RPRD2: variants seen among roughly 807,000 people sequenced by gnomAD.
The protein encoded by RPRD2 is regulation of nuclear pre-mRNA domain-containing protein 2.
In RPRD2, 12 loss-of-function variants were observed where a neutral mutation model predicts 104.4. The observed-to-expected ratio is 0.11, with a 90% CI of 0.07 to 0.19. RPRD2 has a LOEUF of 0.19. Among genes scored for constraint, RPRD2 ranks in the 10% least tolerant of loss-of-function variants. The pLI, the probability that RPRD2 is intolerant of heterozygous loss-of-function variation, is 1.00. For synonymous variants in RPRD2, 714 were observed against 684.9 expected (o/e 1.04, Z -0.66); for missense variants, 1,543 against 1,790.1 (o/e 0.86, Z 2.49).
In RPRD2 at chr1:150,473,490, C is replaced by G. The variant is rs187900262; in HGVS notation, c.*156C>G. The G allele has an allele frequency of 7.2e-5, 38 of 528,976 alleles. No homozygotes were observed. The African/African-American group carries it at 7.8e-4, about 11-fold the overall frequency. The allele number at this position is 528,976 out of a possible 1,614,324, so 32.8% of individuals were successfully genotyped here. Reference sequence around the variant, plus strand: ...CAAAGTAAGAAATCACATACGCTTACGTTTTACTATTCAATTCAATCCTCC... The same window carrying G: ...CAAAGTAAGAAATCACATACGCTTAGGTTTTACTATTCAATTCAATCCTCC... On this transcript the variant is annotated 3_prime_UTR_variant, in exon 11 of 11. Transcript: ENST00000369068.
chr1:150,455,487 G>A (rs12563959), intron 7 of RPRD2, among the ~76,000 whole-genome samples: 1 of 151,264 alleles, frequency 6.6e-6, no homozygotes, highest in Non-Finnish European at 1.5e-5. Flanking sequence ...GGGCGACACA[G>A]CGAGACTCCA....
intron 1 of RPRD2, among the ~76,000 whole-genome samples, chr1:150,390,746 T>C (rs1233425818): frequency 2.0e-5 from 3 of 152,090 alleles, no homozygotes; most frequent in Non-Finnish European, 4.4e-5. Context: ...TTTCCCAGAA[T>C]GTAATGTTAA....
At chr1:150,411,404 T>A (rs1437656748) in intron 1 of RPRD2, among the ~76,000 whole-genome samples, 1 of 137,738 alleles carries the variant, frequency 7.3e-6, no homozygotes, top group Non-Finnish European at 1.5e-5. Flanking sequence ...GAGGTTGCAG[T>A]GAGCCGAGAT....
At chr1:150,392,737 A>G (rs1662187095) in intron 1 of RPRD2, among the ~76,000 whole-genome samples, 1 of 151,914 alleles carries the variant, frequency 6.6e-6, no homozygotes, top group African/African-American at 2.4e-5. Flanking sequence ...CAGTTACTGG[A>G]AAGGCTGAGG....
At chr1:150,444,054 A>G (rs1666592389) in intron 5 of RPRD2, among the ~76,000 whole-genome samples, 197 bp from the exon 6 acceptor site, 1 of 152,164 alleles carries the variant, frequency 6.6e-6, no homozygotes, top group African/African-American at 2.4e-5. Context: ...ATAACTAAAC[A>G]TGGTTTTGAC....
chr1:150,453,240 T>G (rs6687409), intron 7 of RPRD2, among the ~76,000 whole-genome samples: 1 of 151,552 alleles, frequency 6.6e-6, no homozygotes, highest in Non-Finnish European at 1.5e-5. Flanking sequence ...ACCATATTGG[T>G]CAAGCTGGTC....
intron 1 of RPRD2, among the ~76,000 whole-genome samples, chr1:150,401,853 C>T (rs1478524146): frequency 3.3e-5 from 5 of 152,046 alleles, no homozygotes; most frequent in Admixed American, 3.3e-4. Flanking sequence ...CTGTATTAGC[C>T]AGGAAGGTCT....
At position 150,472,175 on chromosome 1, in the gene RPRD2, A is replaced by G; in HGVS notation, c.3227A>G (p.Asp1076Gly). 2.5e-6 allele frequency: 4 copies of G among 1,613,896 alleles called. No homozygotes were observed. The highest frequency in any genetic ancestry group is 2.2e-5 in the South Asian group (2 of 91,082). The change falls in exon 11 of 11, where the codon GAT becomes GGT. Residue 1076 changes from aspartate to glycine, a missense_variant. Around this residue, in one of 4 missense-constraint regions of RPRD2, gnomAD observed 880 missense variants for 885.6 expected, o/e 0.99. Transcript: ENST00000369068. ...TCCTCCTCCTGCTTAGACTTGCCTG[A>G]TAGCACAGAAGAAAAGGGGGCCCCT... is the stretch of plus-strand genomic sequence containing the variant. ...RVSSSCLDLPDSTEEKGAPIE... is the reference protein window; with the variant it reads ...RVSSSCLDLPGSTEEKGAPIE...
At chr1:150,390,892 A>G (rs1031855781) in intron 1 of RPRD2, among the ~76,000 whole-genome samples, 2 of 152,264 alleles carry the variant, frequency 1.3e-5, no homozygotes, top group African/African-American at 2.4e-5. Context: ...GTGAATATAT[A>G]TAGGGACCAT....
At chr1:150,398,921 A>C (rs1335544912) in intron 1 of RPRD2, among the ~76,000 whole-genome samples, 1 of 152,116 alleles carries the variant, frequency 6.6e-6, no homozygotes, top group Non-Finnish European at 1.5e-5. Flanking sequence ...AACAGATGAT[A>C]TTTTCGTTAC....
At chr1:150,445,690 C>T (rs1666711816) in intron 6 of RPRD2, among the ~76,000 whole-genome samples, 1 of 152,170 alleles carries the variant, frequency 6.6e-6, no homozygotes, top group African/African-American at 2.4e-5. Context: ...AGTGCCTTCA[C>T]TCTGGCAGGT....
rs587775541 is a variant in RPRD2, at chr1:150,443,109, G to A, written c.515-122G>A. On this transcript the variant is annotated intron_variant, in intron 4 of 10. Transcript: ENST00000369068. ...GTCCATTATTTATTTTAGGAATTAT[G>A]ACTTAAATGTGCATGTTTGCCATAT... 2.3e-4 allele frequency: 146 copies of A among 631,110 alleles called. 4 individuals carry two copies. The South Asian group carries it at 2.7e-3, about 12-fold the overall frequency. The allele number at this position is 631,110 out of a possible 1,614,324, so 39.1% of individuals were successfully genotyped here.
At chr1:150,433,556 T>C (rs1394083963) in intron 2 of RPRD2, among the ~76,000 whole-genome samples, 1 of 145,730 alleles carries the variant, frequency 6.9e-6, no homozygotes, top group Non-Finnish European at 1.5e-5. Context: ...GCCATTCTCC[T>C]GCCTCAGCCT....
intron 1 of RPRD2, among the ~76,000 whole-genome samples, chr1:150,378,380 A>G (rs1212726961): frequency 2.6e-5 from 4 of 152,210 alleles, no homozygotes; most frequent in Non-Finnish European, 5.9e-5. Context: ...CAACTAATGA[A>G]CAATAGAGCC....
intron 1 of RPRD2, 26 bp downstream of exon 1, chr1:150,364,945 G>A (rs782425454): frequency 6.2e-7 from 1 of 1,607,988 alleles, no homozygotes; most frequent in South Asian, 1.1e-5. Context: ...GACTAGGGAA[G>A]GGAAGACTGG....
rs587598189 is a variant in RPRD2, at chr1:150,427,344, G to A, written c.335+9619G>A. On this transcript the variant is annotated intron_variant, in intron 2 of 10. Coordinates refer to ENST00000369068, the MANE Select transcript of RPRD2 (RefSeq NM_015203.5). ...AAAAAGTAGCTGAGCGTGGTAGCGCGTGCCTGTAGTCCTAGCTACTTGGGA... is the reference window on the plus strand; with the variant it reads ...AAAAAGTAGCTGAGCGTGGTAGCGCATGCCTGTAGTCCTAGCTACTTGGGA... Among the ~76,000 whole-genome samples, 10 of 152,036 alleles carry A rather than the reference G, an allele frequency of 6.6e-5. No individual in the cohort carries two copies. The South Asian group carries it at 1.5e-3, about 22-fold the overall frequency.
rs760019702 is a variant in RPRD2, at chr1:150,472,690, G to T, written c.3742G>T (p.Ala1248Ser). Residue 1248 changes from alanine to serine, a missense_variant, in exon 11 of 11, where the codon GCA (alanine) becomes TCA (serine). Transcript: ENST00000369068. Reference sequence around the variant, plus strand: ...TCTTTCGAACCCCTTCACAAAGGAGGCAGCCCTGGCCCATGCTGCCCCACC... The same window carrying T: ...TCTTTCGAACCCCTTCACAAAGGAGTCAGCCCTGGCCCATGCTGCCCCACC... Reference protein sequence around the residue: ...VDLSNPFTKEAALAHAAPPPP... With the variant: ...VDLSNPFTKESALAHAAPPPP... The T allele has an allele frequency of 3.1e-6, 5 of 1,613,804 alleles. No individual in the cohort carries two copies. In the East Asian group the frequency reaches 1.1e-4, roughly 36 times the overall value.
chr1:150,457,922 T>G (rs147034590), intron 8 of RPRD2, among the ~76,000 whole-genome samples: 161 of 152,052 alleles, frequency 1.1e-3, no homozygotes, highest in African/African-American at 3.5e-3. Context: ...AATACAAAAC[T>G]TATCCGGGTA....
chr1:150,411,457 TCAAAAAAAAAAA>T (rs1663901921), intron 1 of RPRD2, among the ~76,000 whole-genome samples: 1 of 103,254 alleles, frequency 9.7e-6, no homozygotes, highest in South Asian at 2.7e-4. Context: ...CTAGACTGTC[TCAAAAAAAAAAA>T]CAAAAAAAAA....
Sources: allele counts gnomAD v4.1 joint callset (sites outside exome capture counted in the v4.1 genomes callset), GRCh38; gene constraint gnomAD v4.1.1; regional missense constraint gnomAD v4.1.1; transcripts MANE v1.5; gene names NCBI Gene and HGNC (gene_info 2026-07-23, HGNC 2026-07-21).